ADGRB3: variants seen among roughly 807,000 people sequenced by gnomAD.
ADGRB3 encodes brain-specific angiogenesis inhibitor 3.
A neutral mutation model predicts 193.4 loss-of-function variants in ADGRB3; 37 were observed. That is an observed-to-expected ratio of 0.19 (90% CI 0.15 to 0.25). The LOEUF (loss-of-function observed/expected upper bound fraction) is 0.25, where lower values mean the gene tolerates loss of function less well. Ranked by LOEUF, ADGRB3 falls within the 10% of genes least tolerant of loss-of-function variation. The probability of loss-of-function intolerance (pLI) is 1.00; values close to 1 mark genes in which losing one functional copy is unlikely to be tolerated. For synonymous variants in ADGRB3, 690 were observed against 644.2 expected (o/e 1.07, Z -1.08); for missense variants, 1,637 against 1,852.9 (o/e 0.88, Z 2.14).
intron 3 of ADGRB3, among the ~76,000 whole-genome samples, chr6:68,719,476 A>AGAGT (rs1390779225): frequency 1.3e-5 from 2 of 151,826 alleles, no homozygotes; most frequent in African/African-American, 4.8e-5. Flanking sequence ...GCATACAATG[A>AGAGT]GAGTGAGAGC....
Position 69,232,576 on chromosome 6 carries a change from T to A in ADGRB3, c.2481-714T>A, listed in dbSNP as rs769045041. The A allele has an allele frequency of 7.8e-6, 12 of 1,535,536 alleles. No homozygotes were observed. The South Asian group carries it at 1.2e-4, about 15-fold the overall frequency. On this transcript the variant is annotated intron_variant, in intron 17 of 31. Coordinates refer to ENST00000370598, the MANE Select transcript of ADGRB3 (RefSeq NM_001704.3). ...AAGAAGCAGTTGAGGGAAAGAAATGTCAAGGACGTCAGAGGCGAGCTGGAC... is the reference window on the plus strand; with the variant it reads ...AAGAAGCAGTTGAGGGAAAGAAATGACAAGGACGTCAGAGGCGAGCTGGAC...
chr6:69,232,610 G>A (rs1348932498), intron 17 of ADGRB3: 4 of 1,535,664 alleles, frequency 2.6e-6, no homozygotes, highest in Admixed American at 3.9e-5. Flanking sequence ...ACTGAGTGAA[G>A]TGTGGAGTAG....
intron 20 of ADGRB3, among the ~76,000 whole-genome samples, chr6:69,280,859 A>G (rs978752142): frequency 6.6e-6 from 1 of 152,146 alleles, no homozygotes; most frequent in African/African-American, 2.4e-5. Context: ...AAAAATATAT[A>G]TATATATGTA....
chr6:68,808,065 G>T (rs1277983431), intron 3 of ADGRB3, among the ~76,000 whole-genome samples: 1 of 151,984 alleles, frequency 6.6e-6, no homozygotes, highest in Non-Finnish European at 1.5e-5. Context: ...ATATTTCCAG[G>T]TCAAATGGAT....
At chr6:68,768,241 T>G (rs535929113) in intron 3 of ADGRB3, among the ~76,000 whole-genome samples, 1 of 152,198 alleles carries the variant, frequency 6.6e-6, no homozygotes, top group South Asian at 2.1e-4. Context: ...AAGACAATCC[T>G]AGACAAAAAG....
intron 3 of ADGRB3, among the ~76,000 whole-genome samples, chr6:68,701,004 ATTTGT>A (rs939735322): frequency 6.6e-6 from 1 of 152,126 alleles, no homozygotes. Flanking sequence ...CTATAAAAAA[ATTTGT>A]TTTGTAGATT....
intron 10 of ADGRB3, among the ~76,000 whole-genome samples, chr6:68,992,762 T>G (rs2150274635): frequency 6.6e-6 from 1 of 152,292 alleles, no homozygotes; most frequent in East Asian, 1.9e-4. Context: ...CTTAGAAAAT[T>G]TATACTTTTT....
intron 3 of ADGRB3, among the ~76,000 whole-genome samples, chr6:68,875,959 AAT>A (rs1360926061): frequency 3.9e-5 from 6 of 152,268 alleles, no homozygotes; most frequent in Middle Eastern, 6.8e-3. Context: ...TAGTGTTTTC[AAT>A]TTAATGCTAA....
intron 17 of ADGRB3, among the ~76,000 whole-genome samples, chr6:69,145,130 G>A (rs1407519442): frequency 2.0e-5 from 3 of 152,142 alleles, no homozygotes; most frequent in Non-Finnish European, 4.4e-5. Context: ...CGCCCACTGG[G>A]CCCACTCAGC....
chr6:68,684,105 T>C (rs1440073633), intron 3 of ADGRB3, among the ~76,000 whole-genome samples: 2 of 152,192 alleles, frequency 1.3e-5, no homozygotes, highest in African/African-American at 2.4e-5. Flanking sequence ...ACAGACACGG[T>C]ATAAATCTAG....
intron 17 of ADGRB3, among the ~76,000 whole-genome samples, chr6:69,171,816 G>A (rs1050297832): frequency 6.6e-5 from 10 of 152,126 alleles, no homozygotes; most frequent in Non-Finnish European, 2.9e-5. Flanking sequence ...CATATATCCT[G>A]TGGAAGATGT....
intron 3 of ADGRB3, among the ~76,000 whole-genome samples, chr6:68,782,355 C>G (rs1023807856): frequency 9.9e-5 from 15 of 151,978 alleles, no homozygotes; most frequent in East Asian, 1.9e-4. Flanking sequence ...GCCACATTTT[C>G]TTAATCCAGT....
At chr6:69,054,179 A>G (rs925940580) in intron 15 of ADGRB3, among the ~76,000 whole-genome samples, 6 of 152,182 alleles carry the variant, frequency 3.9e-5, no homozygotes, top group Non-Finnish European at 7.4e-5. Flanking sequence ...TCATAAACCA[A>G]AAGTTATTAC....
At chr6:69,263,133 C>T (rs971542206) in intron 20 of ADGRB3, among the ~76,000 whole-genome samples, 9 of 151,938 alleles carry the variant, frequency 5.9e-5, no homozygotes, top group Non-Finnish European at 1.2e-4. Context: ...AAGCAATAAA[C>T]ACCACTTTGT....
At chr6:68,780,391 TAAACCTTCAAGC>T (rs1270620198) in intron 3 of ADGRB3, among the ~76,000 whole-genome samples, 1 of 152,054 alleles carries the variant, frequency 6.6e-6, no homozygotes, top group Non-Finnish European at 1.5e-5. Context: ...CAGAGATGAC[TAAACCTTCAAGC>T]AGAAGTGTTT....
intron 3 of ADGRB3, among the ~76,000 whole-genome samples, chr6:68,808,707 T>C (rs750438185): frequency 6.7e-5 from 10 of 149,862 alleles, no homozygotes; most frequent in Non-Finnish European, 1.5e-4. Flanking sequence ...ATGGTAGATA[T>C]CATAAGGAAA....
In ADGRB3 at chr6:69,285,919, T is replaced by G. The variant is rs567163521; in HGVS notation, c.2815-38953T>G. Among the ~76,000 whole-genome samples the G allele has an allele frequency of 2.6e-5, 4 of 152,056 alleles. No individual in the cohort carries two copies. In the East Asian group the frequency reaches 7.8e-4, roughly 30 times the overall value. The stretch of plus-strand genomic sequence containing the variant: ...CAACATAAGTCTACCTGGCTTTAGG[T>G]AAAACAAAAGGTTTACTGTAATTAA... On this transcript the variant is annotated intron_variant, in intron 20 of 31. Coordinates refer to ENST00000370598, the MANE Select transcript of ADGRB3 (RefSeq NM_001704.3).
At chr6:68,918,982 C>T (rs1271898965) in intron 3 of ADGRB3, among the ~76,000 whole-genome samples, 1 of 151,468 alleles carries the variant, frequency 6.6e-6, no homozygotes, top group Non-Finnish European at 1.5e-5. Context: ...CAGTTTTTTT[C>T]CTCTGGTCTC....
rs560003587 is a variant in ADGRB3 at position 69,304,324 on chromosome 6, A to G, written c.2815-20548A>G. Among the ~76,000 whole-genome samples the G allele has an allele frequency of 3.1e-4, 46 of 150,020 alleles. No individual in the cohort carries two copies. The Middle Eastern group carries it at 0.01, about 34-fold the overall frequency. On this transcript the variant is annotated intron_variant, in intron 20 of 31. Transcript: ENST00000370598. ...GAATTAAGACAAAAATATAACATCCATATGACCTGAATACATTCAATAAGT... is the reference window on the plus strand; with the variant it reads ...GAATTAAGACAAAAATATAACATCCGTATGACCTGAATACATTCAATAAGT...
Sources: allele counts gnomAD v4.1 joint callset (sites outside exome capture counted in the v4.1 genomes callset), GRCh38; gene constraint gnomAD v4.1.1; transcripts MANE v1.5; gene names NCBI Gene and HGNC (gene_info 2026-07-23, HGNC 2026-07-21).